The following TAF1 variants were observed in gnomAD, a reference collection of about 807,000 sequenced individuals.
TAF1 encodes TATA-box binding protein associated factor 1, also known as transcription initiation factor TFIID subunit 1.
A neutral mutation model predicts 138.5 loss-of-function variants in TAF1; 2 were observed. The ratio of observed to expected loss-of-function variants is 0.01; its 90% CI spans 0.01 to 0.05. TAF1 has a LOEUF of 0.05. TAF1 is among the 10% of genes least tolerant of loss of function. The pLI is 1.00. For synonymous variants in TAF1, 437 were observed against 503.2 expected, an observed-to-expected ratio of 0.87 and a Z score of 1.76; for missense variants, 709 against 1,478.0, an observed-to-expected ratio of 0.48 and a Z score of 8.53.
downstream of TAF1, among the ~76,000 whole-genome samples, chrX:71,468,569 C>G (rs2038813859): frequency 9.3e-6 from 1 of 108,011 alleles, no homozygotes; most frequent in African/African-American, 3.4e-5. Context: ...GCCTGTAATC[C>G]CAGCTACTCA....
At chrX:71,503,342 A>ATATATATATG (rs1569408546) in intron 13 of TAF1, among the ~76,000 whole-genome samples, 1 of 96,585 alleles carries the variant, frequency 1.0e-5, no homozygotes, top group African/African-American at 4.0e-5. Context: ...ATATATATAT[A>ATATATATATG]TGTGTATATA....
At chrX:71,489,504 C>G (rs1417800009) in intron 13 of TAF1, among the ~76,000 whole-genome samples, 1 of 109,729 alleles carries the variant, frequency 9.1e-6, no homozygotes, top group African/African-American at 3.3e-5. Flanking sequence ...TGGAGAAACC[C>G]CGTCTCTACT....
At chrX:71,435,717 T>C (rs2037104819) in intron 32 of TAF1, among the ~76,000 whole-genome samples, 1 of 111,701 alleles carries the variant, frequency 9.0e-6, no homozygotes, top group Non-Finnish European at 1.9e-5. Flanking sequence ...GCCCAGAAAG[T>C]CTTTTAATGT....
At chrX:71,483,284 G>A (rs755111371) in intron 13 of TAF1, among the ~76,000 whole-genome samples, 63 of 106,958 alleles carry the variant, frequency 5.9e-4, no homozygotes, top group African/African-American at 2.1e-3. Flanking sequence ...CACCACGCCT[G>A]GCCAAGAAAC....
intron 32 of TAF1, among the ~76,000 whole-genome samples, chrX:71,428,582 C>T (rs147905210): frequency 8.9e-6 from 1 of 111,764 alleles, no homozygotes; most frequent in Non-Finnish European, 1.9e-5. Context: ...TAAGTACTTA[C>T]CATGTGGTAA....
intron 5 of TAF1, 72 bp from the exon 6 acceptor site, chrX:71,377,531 T>C: frequency 8.9e-7 from 1 of 1,123,293 alleles, no homozygotes; most frequent in Non-Finnish European, 1.2e-6. Flanking sequence ...CAAGGGAGTT[T>C]TCAGGCCCAG....
At chrX:71,528,995 T>A (rs1402956933) in intron 14 of TAF1, among the ~76,000 whole-genome samples, 1 of 112,107 alleles carries the variant, frequency 8.9e-6, no homozygotes, top group African/African-American at 3.2e-5. Flanking sequence ...AGAGCGCTAA[T>A]TGGTGCATTT....
At chrX:71,403,406 T>A (rs2035285316) in intron 25 of TAF1, among the ~76,000 whole-genome samples, 1 of 111,699 alleles carries the variant, frequency 9.0e-6, no homozygotes, top group Admixed American at 9.6e-5. Flanking sequence ...ATTCTGGAAT[T>A]GTCTGTTCTC....
chrX:71,378,216 C>T lies in TAF1; in HGVS notation c.934-19C>T, dbSNP rs763025346. The T allele has an allele frequency of 8.3e-7, 1 of 1,206,967 alleles. No individual in the cohort carries two copies. Among genetic ancestry groups the T allele is most frequent in the South Asian group, 1.8e-5 (1 of 56,805 alleles). On this transcript the variant is annotated intron_variant, in intron 6 of 37. Coordinates refer to ENST00000423759, the MANE Select transcript of TAF1 (RefSeq NM_004606.5). The stretch of plus-strand genomic sequence containing the variant: ...GGATCAGGAAATTCTCCCTGCTCTA[C>T]TTCTTTCTTCTGTTACAGATCACGA...
intron 32 of TAF1, among the ~76,000 whole-genome samples, chrX:71,445,846 T>G (rs2037669070): frequency 8.9e-6 from 1 of 111,780 alleles, no homozygotes; most frequent in African/African-American, 3.3e-5. Flanking sequence ...CATAATTTAT[T>G]TAACCATTCT....
rs752182729 is a variant in TAF1 at position 71,421,294 on chromosome X, T to C, written c.4385-15T>C. 11 of 1,202,782 alleles carry C rather than the reference T, an allele frequency of 9.1e-6. No individual in the cohort carries two copies. The highest frequency in any genetic ancestry group is 4.6e-4 in the Middle Eastern group (2 of 4,351). ...CCCGTTATTAGTGGTTTCATCTCTT[T>C]CTGTTCCTCTACAGGGCCAAAACAC... is the stretch of plus-strand genomic sequence containing the variant. On this transcript the variant is annotated splice_polypyrimidine_tract_variant and intron_variant, in intron 28 of 37. Coordinates refer to ENST00000423759, the MANE Select transcript of TAF1 (RefSeq NM_004606.5).
Position 71,375,718 on chromosome X carries a change from C to T in TAF1, c.472+432C>T, listed in dbSNP as rs777618106. On this transcript the variant is annotated intron_variant, in intron 4 of 37. Transcript: ENST00000423759. ...CACGATCTTGGCTCACTGCAACCTC[C>T]GCCTCCCGGGTTCAAGTGATTCTCA... Among the ~76,000 whole-genome samples, 7 of 111,984 alleles carry T rather than the reference C, an allele frequency of 6.3e-5. No individual in the cohort carries two copies. The East Asian group carries it at 8.4e-4, about 13-fold the overall frequency.
Position 71,432,100 on chromosome X carries a change from T to A in TAF1, c.4753+7862T>A, listed in dbSNP as rs184255500. On this transcript the variant is annotated intron_variant, in intron 32 of 37. Coordinates refer to ENST00000423759, the MANE Select transcript of TAF1 (RefSeq NM_004606.5). Reference sequence around the variant, plus strand: ...TATTAGAGGATGGTTATTGAAGTGGTAGGATAAAAAGCCAGACTGTAGGGG... The same window carrying A: ...TATTAGAGGATGGTTATTGAAGTGGAAGGATAAAAAGCCAGACTGTAGGGG... Among the ~76,000 whole-genome samples the A allele has an allele frequency of 2.0e-3, 217 of 110,287 alleles. 2 individuals are homozygous for A. Among genetic ancestry groups the A allele is most frequent in the African/African-American group, 6.8e-3 (207 of 30,368 alleles).
chrX:71,496,403 C>T (rs1480274965), intron 13 of TAF1, among the ~76,000 whole-genome samples: 1 of 112,127 alleles, frequency 8.9e-6, no homozygotes, highest in Non-Finnish European at 1.9e-5. Flanking sequence ...CTTCAATGAT[C>T]AATTATAGGT....
At chrX:71,453,436 C>T (rs766775023) in intron 32 of TAF1, among the ~76,000 whole-genome samples, 1 of 93,647 alleles carries the variant, frequency 1.1e-5, no homozygotes, top group East Asian at 3.8e-4. Flanking sequence ...CATGGTGGTG[C>T]ATGCCTGCAC....
chrX:71,393,222 ATTTGTG>A lies in TAF1; in HGVS notation c.3052-77_3052-72del, dbSNP rs2043259041. Reference sequence around the variant, plus strand: ...GCTTGTCCTTTGAAATCCCTGAATGATTTGTGTGTGTGTGTGTGTGTGTGTGTGTGT... The same window carrying A: ...GCTTGTCCTTTGAAATCCCTGAATGATGTGTGTGTGTGTGTGTGTGTGTGT... On this transcript the variant is annotated intron_variant, in intron 20 of 37. Coordinates refer to ENST00000423759, the MANE Select transcript of TAF1 (RefSeq NM_004606.5). 7 of 1,000,807 alleles carry A rather than the reference ATTTGTG, an allele frequency of 7.0e-6. No individual in the cohort carries two copies. The South Asian group carries it at 1.5e-4, about 22-fold the overall frequency. The allele number at this position is 1,000,807 out of a possible 1,213,427, so 82.5% of individuals were successfully genotyped here.
At position 71,406,669 on chromosome X, in the gene TAF1, C is replaced by G; in HGVS notation, c.4030C>G (p.Leu1344Val). ...ADEVRRKSLVLKFPKQQLPPK... is the reference protein window; with the variant it reads ...ADEVRRKSLVVKFPKQQLPPK... ...TGAGGTTCGCAGAAAATCTCTGGTT[C>G]TCAAGTTTCCTAAACAGCAGCTTCC... Residue 1344 changes from leucine (L) to valine (V), a missense_variant, in exon 26 of 38, where the codon CTC (leucine) becomes GTC (valine). Leu to Val is a conservative substitution (Grantham distance 32). Around this residue, in one of 14 missense-constraint regions of TAF1, gnomAD observed 63 missense variants for 163.3 expected, o/e 0.39. Transcript: ENST00000423759. The G allele has an allele frequency of 8.3e-7, 1 of 1,210,498 alleles. No individual in the cohort carries two copies. Among genetic ancestry groups the G allele is most frequent in the Non-Finnish European group, 1.1e-6 (1 of 895,053 alleles).
intron 13 of TAF1, among the ~76,000 whole-genome samples, chrX:71,488,313 G>A (rs1463443603): frequency 2.0e-5 from 2 of 98,554 alleles, no homozygotes; most frequent in South Asian, 5.0e-4. Flanking sequence ...GCATGATCTC[G>A]GCTCACTGCA....
intron 1 of TAF1, among the ~76,000 whole-genome samples, chrX:71,367,180 C>A (rs760952975): frequency 8.9e-6 from 1 of 112,742 alleles, no homozygotes; most frequent in South Asian, 3.6e-4. Context: ...TCCCACTGAT[C>A]CCCCTGCCTC....
Sources: gnomAD v4.1 joint callset for allele counts (sites outside exome capture counted in the v4.1 genomes callset) on GRCh38, gnomAD v4.1.1 for gene constraint, gnomAD v4.1.1 regional missense constraint, MANE v1.5 for transcripts, NCBI Gene and HGNC (gene_info 2026-07-23, HGNC 2026-07-21) for gene names.